The following NAT9 variants were observed in gnomAD, a reference collection of about 807,000 sequenced individuals.
NAT9 encodes alpha/beta-tubulin-N-acetyltransferase 9.
NAT9 carries 18 observed loss-of-function variants against 24.0 expected under a neutral mutation model. The observed-to-expected ratio is 0.75, with a 90% CI of 0.52 to 1.11. NAT9 has a LOEUF of 1.11. NAT9 is among the 50% of genes most tolerant of loss of function. The pLI, the probability that NAT9 is intolerant of heterozygous loss-of-function variation, is 0.00. For synonymous variants in NAT9, 104 were observed against 102.3 expected, an observed-to-expected ratio of 1.02 and a Z score of -0.10; for missense variants, 254 against 258.6, an observed-to-expected ratio of 0.98 and a Z score of 0.12.
chr17:74,775,759 C>A, intron 1 of NAT9, 52 bp from the exon 2 acceptor site: 1 of 1,531,466 alleles, frequency 6.5e-7, no homozygotes, highest in Non-Finnish European at 9.0e-7. Context: ...TTTCCTCCAA[C>A]TTTGGGTAGG....
rs199772747 is a variant in NAT9, at chr17:74,771,677, G to C, written c.*47C>G. 6.2e-7 allele frequency: 1 copy of C among 1,610,460 alleles called. No homozygotes were observed. The highest frequency in any genetic ancestry group is 1.1e-5 in the South Asian group (1 of 90,962). ...GGGCTCTGGTCTTTGAAGTGTATGG[G>C]CCCAACACCCTGCTCACACAGAGTG... On this transcript the variant is annotated 3_prime_UTR_variant, in exon 7 of 7. Transcript: ENST00000357814.
At chr17:74,773,448 C>T (rs1344027591) in intron 3 of NAT9, 128 bp downstream of exon 3, 2 of 798,568 alleles carry the variant, frequency 2.5e-6, no homozygotes, top group East Asian at 5.2e-5. Context: ...TACAGGAGTT[C>T]CAGCACCTTC....
intron 4 of NAT9, 115 bp downstream of exon 4, chr17:74,772,781 C>T: frequency 1.3e-6 from 2 of 1,486,752 alleles, no homozygotes; most frequent in Non-Finnish European, 1.8e-6. Context: ...CTGGACTCAC[C>T]ACATGGAGCC....
chr17:74,771,978 C>T lies in NAT9; in HGVS notation c.471G>A (p.Gln157=). The T allele has an allele frequency of 6.2e-7, 1 of 1,614,250 alleles. No individual in the cohort carries two copies. Among genetic ancestry groups the T allele is most frequent in the South Asian group, 1.1e-5 (1 of 91,086 alleles). Residue 157 remains glutamine, a synonymous_variant, in exon 6 of 7, where the codon CAG becomes CAA. Coordinates refer to ENST00000357814, the MANE Select transcript of NAT9 (RefSeq NM_015654.5). The part of the protein sequence containing the change: ...QGNEPSIRMF[Q]KLHFEQVATS... Reference sequence around the variant, plus strand: ...TCCTTACCTGCTCAAAGTGAAGTTTCTGGAACATCCGGATGCTTGGTTCAT... The same window carrying T: ...TCCTTACCTGCTCAAAGTGAAGTTTTTGGAACATCCGGATGCTTGGTTCAT...
At position 74,771,770 on chromosome 17, in the gene NAT9, T is replaced by A. The variant is rs1268353515; in HGVS notation, c.578A>T (p.His193Leu). ...ATCTCTGTAAGGCTTCTCTTCCACG[T>A]GGCTGGTCTGCTCCAGAAGCCACTG... ...EHQWLLEQTS[H>L]VEEKPYRDGS... The change falls in exon 7 of 7, where the codon CAC becomes CTC. Residue 193 changes from histidine to leucine, a missense_variant. His to Leu is a moderately conservative substitution (Grantham distance 99). Transcript: ENST00000357814. 3 of 1,614,002 alleles carry A rather than the reference T, an allele frequency of 1.9e-6. No individual in the cohort carries two copies. The highest frequency in any genetic ancestry group is 1.7e-5 in the Admixed American group (1 of 60,006).
intron 2 of NAT9, among the ~76,000 whole-genome samples, chr17:74,775,069 C>T (rs1567848127): frequency 6.7e-6 from 1 of 149,144 alleles, no homozygotes; most frequent in Admixed American, 6.7e-5. Flanking sequence ...GTTGGCCAGG[C>T]TGGTCTTGAA....
In NAT9 at chr17:74,773,095, A is replaced by G. The variant is rs1378190660; in HGVS notation, c.191-56T>C. 3.8e-6 allele frequency: 6 copies of G among 1,589,702 alleles called. No individual in the cohort carries two copies. In the East Asian group the frequency reaches 1.4e-4, roughly 36 times the overall value. Reference sequence around the variant, plus strand: ...CACTCCCCAGAGGAGAGAAGAGAGGATGGTACTCCTACCCAAGCCAGAGCA... The same window carrying G: ...CACTCCCCAGAGGAGAGAAGAGAGGGTGGTACTCCTACCCAAGCCAGAGCA... On this transcript the variant is annotated intron_variant, in intron 3 of 6. Coordinates refer to ENST00000357814, the MANE Select transcript of NAT9 (RefSeq NM_015654.5).
Position 74,773,003 on chromosome 17 carries a change from T to C in NAT9, c.227A>G (p.Gln76Arg). The change falls in exon 4 of 7, where the codon CAG (glutamine) becomes CGG (arginine). Residue 76 changes from glutamine to arginine, a missense_variant. Coordinates refer to ENST00000357814, the MANE Select transcript of NAT9 (RefSeq NM_015654.5). ...CTCTTCGGTGGCGCCTGGCTGGGCC[T>C]GCCACTTCTCGGCATCCAGCACAAT... ...TFIVLDAEKW[Q>R]AQPGATEESC... is the part of the protein sequence containing the mutation. 1 of 1,613,912 alleles carries C rather than the reference T, an allele frequency of 6.2e-7. No individual in the cohort carries two copies. The highest frequency in any genetic ancestry group is 8.5e-7 in the Non-Finnish European group (1 of 1,179,976).
Position 74,771,969 on chromosome 17 carries a change from G to A in NAT9, c.480C>T (p.His160=). Residue 160 remains histidine (H), a synonymous_variant, in exon 6 of 7, where the codon CAC becomes CAT. Transcript: ENST00000357814. ...CCCAGGACATCCTTACCTGCTCAAA[G>A]TGAAGTTTCTGGAACATCCGGATGC... is the stretch of plus-strand genomic sequence containing the variant. ...EPSIRMFQKL[H]FEQVATSSVF... is the part of the protein sequence containing the mutation. 6.2e-7 allele frequency: 1 copy of A among 1,614,252 alleles called. No individual in the cohort carries two copies. Among genetic ancestry groups the A allele is most frequent in the South Asian group, 1.1e-5 (1 of 91,088 alleles).
intron 5 of NAT9, 37 bp from the exon 6 acceptor site, chr17:74,772,091 C>T (rs766480706): frequency 4.1e-5 from 66 of 1,613,886 alleles, no homozygotes; most frequent in Non-Finnish European, 5.2e-5. Flanking sequence ...AGTAAGGAGG[C>T]GCCTGCCCCC....
chr17:74,775,739 G>A, intron 1 of NAT9, 32 bp from the exon 2 acceptor site: 5 of 1,591,614 alleles, frequency 3.1e-6, no homozygotes, highest in East Asian at 2.2e-5. Flanking sequence ...AAAGACTTCA[G>A]GACCCTGAAT....
intron 6 of NAT9, 28 bp from the exon 7 acceptor site, chr17:74,771,886 G>A (rs2035247344): frequency 6.2e-7 from 1 of 1,614,208 alleles, no homozygotes; most frequent in Non-Finnish European, 8.5e-7. Context: ...AACAAAGCCT[G>A]CTAAGTTACA....
chr17:74,772,208 A>G lies in NAT9; in HGVS notation c.394+10T>C. Reference sequence around the variant, plus strand: ...CCCACTTCCCGCATTGTCTGCTCACACTTTCTTACCGTAAGACAGCATCGC... The same window carrying G: ...CCCACTTCCCGCATTGTCTGCTCACGCTTTCTTACCGTAAGACAGCATCGC... On this transcript the variant is annotated intron_variant, in intron 5 of 6. Coordinates refer to ENST00000357814, the MANE Select transcript of NAT9 (RefSeq NM_015654.5). 1.2e-6 allele frequency: 2 copies of G among 1,614,158 alleles called. No individual in the cohort carries two copies. Among genetic ancestry groups the G allele is most frequent in the Admixed American group, 1.7e-5 (1 of 60,022 alleles).
At position 74,773,633 on chromosome 17, in the gene NAT9, G is replaced by C; in HGVS notation, c.133C>G (p.Pro45Ala). The C allele has an allele frequency of 6.2e-7, 1 of 1,614,144 alleles. No homozygotes were observed. Among genetic ancestry groups the C allele is most frequent in the African/African-American group, 1.3e-5 (1 of 75,042 alleles). The change falls in exon 3 of 7, where the codon CCG (proline) becomes GCG (alanine). Residue 45 changes from proline (P) to alanine (A), a missense_variant. Physicochemically the swap from Pro to Ala is conservative, Grantham distance 27 (BLOSUM62 -1). Coordinates refer to ENST00000357814, the MANE Select transcript of NAT9 (RefSeq NM_015654.5). The stretch of plus-strand genomic sequence containing the variant: ...GCATACTCCTGCTCCAGGGTCAGCG[G>C]CTCCGAGGCTGTCAAACGCTGCAGC... ...EELQRLTASE[P>A]LTLEQEYAMQ... is the part of the protein sequence containing the mutation.
intron 2 of NAT9, 125 bp downstream of exon 2, chr17:74,775,497 C>A: frequency 1.3e-6 from 1 of 774,326 alleles, no homozygotes; most frequent in South Asian, 2.7e-5. Context: ...CCTTTTTTCC[C>A]CCCTCATATA....
In NAT9 at chr17:74,771,698, G is replaced by A. The variant is rs1236469931; in HGVS notation, c.*26C>T. ...ATGGGCCCAACACCCTGCTCACACAGAGTGGCTGCCCACAAGGCCCAGCCA... is the reference window on the plus strand; with the variant it reads ...ATGGGCCCAACACCCTGCTCACACAAAGTGGCTGCCCACAAGGCCCAGCCA... On this transcript the variant is annotated 3_prime_UTR_variant, in exon 7 of 7. Coordinates refer to ENST00000357814, the MANE Select transcript of NAT9 (RefSeq NM_015654.5). The A allele has an allele frequency of 6.2e-7, 1 of 1,612,700 alleles. No individual in the cohort carries two copies. Among genetic ancestry groups the A allele is most frequent in the Non-Finnish European group, 8.5e-7 (1 of 1,179,928 alleles).
chr17:74,773,685 C>G lies in NAT9; in HGVS notation c.81G>C (p.Arg27Ser), dbSNP rs2035556105. 1 of 1,613,772 alleles carries G rather than the reference C, an allele frequency of 6.2e-7. No homozygotes were observed. Among genetic ancestry groups the G allele is most frequent in the African/African-American group, 1.3e-5 (1 of 74,916 alleles). ...VPYTSEHVPS[R>S]YHEWMKSEEL... ...CCTCTGATTTCATCCACTCGTGGTA[C>G]CTGCTGGGACAGAGGGGTGGCTTTA... Residue 27 changes from arginine (R) to serine (S), a missense_variant, in exon 3 of 7, where the codon AGG becomes AGC. Transcript: ENST00000357814.
At chr17:74,773,928 C>A in intron 2 of NAT9, 1 of 433,472 alleles carries the variant, frequency 2.3e-6, no homozygotes, top group Non-Finnish European at 4.3e-6. Context: ...CGGGTCAGTG[C>A]GGAGGAGCAG....
chr17:74,773,999 A>G (rs570329220), intron 2 of NAT9: 1 of 272,592 alleles, frequency 3.7e-6, no homozygotes, highest in South Asian at 4.2e-5. Flanking sequence ...CAACCTCAAC[A>G]AAGGCGGCTG....
Sources: allele counts gnomAD v4.1 joint callset (sites outside exome capture counted in the v4.1 genomes callset), GRCh38; gene constraint gnomAD v4.1.1; transcripts MANE v1.5; gene names NCBI Gene and HGNC (gene_info 2026-07-23, HGNC 2026-07-21).